The following CSMD1 variants were observed in gnomAD, a reference collection of about 807,000 sequenced individuals.
CSMD1 encodes the protein CUB and sushi domain-containing protein 1.
CSMD1 carries 213 observed loss-of-function variants against 417.5 expected under a neutral mutation model. That is an observed-to-expected ratio of 0.51 (90% CI 0.46 to 0.57). The LOEUF (loss-of-function observed/expected upper bound fraction) is 0.57. Among genes scored for constraint, CSMD1 ranks in the 20% least tolerant of loss-of-function variants. The pLI is 0.00. For synonymous variants in CSMD1, 2,862 were observed against 1,736.8 expected (o/e 1.65, Z -16.11); for missense variants, 6,923 against 4,529.7 (o/e 1.53, Z -15.17).
intron 3 of CSMD1, among the ~76,000 whole-genome samples, chr8:4,072,843 A>G (rs1389277722): frequency 3.9e-5 from 6 of 152,182 alleles, no homozygotes; most frequent in Non-Finnish European, 8.8e-5. Context: ...CTTTTCCACT[A>G]CAACAATTTA....
intron 52 of CSMD1, among the ~76,000 whole-genome samples, chr8:3,014,189 A>C (rs1265990380): frequency 1.1e-5 from 1 of 92,736 alleles, no homozygotes; most frequent in African/African-American, 4.8e-5. Flanking sequence ...GATAGGAATA[A>C]AATTTTTGAT....
chr8:4,107,859 A>C (rs1009498742), intron 3 of CSMD1, among the ~76,000 whole-genome samples: 1 of 152,188 alleles, frequency 6.6e-6, no homozygotes, highest in African/African-American at 2.4e-5. Flanking sequence ...TCTCTGATGG[A>C]AATAGAAGGA....
chr8:4,464,449 A>G (rs192525468), intron 2 of CSMD1, among the ~76,000 whole-genome samples: 22 of 152,322 alleles, frequency 1.4e-4, no homozygotes, highest in Non-Finnish European at 2.9e-5. Flanking sequence ...GAACACGCAC[A>G]TTAGCCTACA....
At chr8:3,129,906 G>A (rs183851499) in intron 41 of CSMD1, among the ~76,000 whole-genome samples, 5 of 152,084 alleles carry the variant, frequency 3.3e-5, no homozygotes, top group Non-Finnish European at 4.4e-5. Flanking sequence ...ACCTGAGCCC[G>A]GGGGGCGGAG....
At chr8:3,498,298 G>T (rs1452847281) in intron 10 of CSMD1, among the ~76,000 whole-genome samples, 1 of 152,102 alleles carries the variant, frequency 6.6e-6, no homozygotes, top group African/African-American at 2.4e-5. Context: ...TATTTTGGAG[G>T]TATATGTGGT....
chr8:3,572,012 C>G (rs1799964958), intron 10 of CSMD1, among the ~76,000 whole-genome samples: 1 of 152,160 alleles, frequency 6.6e-6, no homozygotes, highest in South Asian at 2.1e-4. Context: ...CATTTGACTT[C>G]AAAAGACGCG....
At chr8:4,400,352 C>G (rs574224962) in intron 3 of CSMD1, among the ~76,000 whole-genome samples, 64 of 152,334 alleles carry the variant, frequency 4.2e-4, no homozygotes, top group African/African-American at 1.2e-3. Context: ...TATAAATTGT[C>G]AAAGCTTCCA....
At chr8:4,058,468 C>T (rs552130098) in intron 3 of CSMD1, among the ~76,000 whole-genome samples, 35 of 152,232 alleles carry the variant, frequency 2.3e-4, no homozygotes, top group Non-Finnish European at 4.7e-4. Context: ...TACACAATCA[C>T]GTCATCTGCA....
intron 1 of CSMD1, among the ~76,000 whole-genome samples, chr8:4,703,745 A>G (rs1807734881): frequency 6.6e-6 from 1 of 152,172 alleles, no homozygotes. Flanking sequence ...TGATTTTACT[A>G]AAATCCAGAG....
At chr8:4,652,183 T>G (rs1012275043) in intron 1 of CSMD1, among the ~76,000 whole-genome samples, 2 of 152,050 alleles carry the variant, frequency 1.3e-5, no homozygotes, top group Non-Finnish European at 2.9e-5. Flanking sequence ...CATTGAGGGA[T>G]TGCATTAAAT....
At chr8:4,675,928 A>G (rs778762525) in intron 1 of CSMD1, among the ~76,000 whole-genome samples, 3 of 152,190 alleles carry the variant, frequency 2.0e-5, no homozygotes, top group Non-Finnish European at 4.4e-5. Context: ...ATAAACGTTA[A>G]GCCTGGATTG....
chr8:3,118,517 G>T lies in CSMD1; in HGVS notation c.6312C>A (p.Ser2104Arg), dbSNP rs752068472. 2 of 1,613,812 alleles carry T rather than the reference G, an allele frequency of 1.2e-6. No individual in the cohort carries two copies. Among genetic ancestry groups the T allele is most frequent in the South Asian group, 2.2e-5 (2 of 91,086 alleles). Reference protein sequence around the residue: ...QNGYMINSDYSVGQSVSFECY... With the variant: ...QNGYMINSDYRVGQSVSFECY... Reference sequence around the variant, plus strand: ...ACTCGAAAGATACTGATTGCCCCACGCTGTAATCCGAGTTGATCATGTACC... The same window carrying T: ...ACTCGAAAGATACTGATTGCCCCACTCTGTAATCCGAGTTGATCATGTACC... Residue 2104 changes from serine to arginine, a missense_variant, in exon 42 of 70, where the codon AGC (serine) becomes AGA (arginine). Ser to Arg is a moderately radical substitution (Grantham distance 110). Transcript: ENST00000635120.
Position 3,980,495 on chromosome 8 carries a change from G to A in CSMD1, c.818+17408C>T, listed in dbSNP as rs76350332. Among the ~76,000 whole-genome samples, 20 of 152,054 alleles carry A rather than the reference G, an allele frequency of 1.3e-4. No individual in the cohort carries two copies. The East Asian group carries it at 3.9e-3, about 29-fold the overall frequency. On this transcript the variant is annotated intron_variant, in intron 5 of 69. Transcript: ENST00000635120. ...GCCAAACTTCCTCACAATTCACTCT[G>A]CTCGTCTCTGCTTCTATGTTGTTTA...
Position 3,823,894 on chromosome 8 carries a change from C to T in CSMD1, c.819-69852G>A, listed in dbSNP as rs151210388. ...TTTCTGATCCTCAGTTTCATTGTAA[C>T]GATTAAATATTCATTTTTAATTCTA... is the stretch of plus-strand genomic sequence containing the variant. On this transcript the variant is annotated intron_variant, in intron 5 of 69. Coordinates refer to ENST00000635120, the MANE Select transcript of CSMD1 (RefSeq NM_033225.6). 7.4e-4 allele frequency among the ~76,000 whole-genome samples: 113 copies of T among 152,092 alleles called. 1 individual carries two copies. The highest frequency in any genetic ancestry group is 4.8e-3 in the South Asian group (23 of 4,814).
chr8:4,679,100 T>A (rs137859247), intron 1 of CSMD1, among the ~76,000 whole-genome samples: 43 of 152,240 alleles, frequency 2.8e-4, no homozygotes, highest in African/African-American at 9.2e-4. Context: ...CATCTGGTCA[T>A]CTGCGCAAGT....
chr8:4,731,207 G>A (rs1015188871), intron 1 of CSMD1, among the ~76,000 whole-genome samples: 5 of 152,132 alleles, frequency 3.3e-5, no homozygotes, highest in Non-Finnish European at 2.9e-5. Flanking sequence ...GTTTGGAAGC[G>A]AGAATCAGTC....
chr8:4,794,234 T>C (rs1797853691), intron 1 of CSMD1, among the ~76,000 whole-genome samples: 1 of 151,416 alleles, frequency 6.6e-6, no homozygotes, highest in Non-Finnish European at 1.5e-5. Context: ...TCACACTTTT[T>C]GTCAGTAATA....
chr8:4,722,427 T>C (rs759650006), intron 1 of CSMD1, among the ~76,000 whole-genome samples: 2 of 152,182 alleles, frequency 1.3e-5, no homozygotes, highest in East Asian at 1.9e-4. Flanking sequence ...TGAAAAGTGA[T>C]GCCTTCTAAG....
chr8:3,237,461 CA>C, intron 26 of CSMD1, among the ~76,000 whole-genome samples: 1 of 148,978 alleles, frequency 6.7e-6, no homozygotes, highest in Non-Finnish European at 1.5e-5. Context: ...CATCTCAAAA[CA>C]AAAAACCAAA....
Sources: gnomAD v4.1 joint callset for allele counts (sites outside exome capture counted in the v4.1 genomes callset) on GRCh38, gnomAD v4.1.1 for gene constraint, MANE v1.5 for transcripts, NCBI Gene and HGNC (gene_info 2026-07-23, HGNC 2026-07-21) for gene names.